TRHDE: variants seen among roughly 807,000 people sequenced by gnomAD.
The protein encoded by TRHDE is thyrotropin-releasing hormone-degrading ectoenzyme.
In TRHDE, 72 loss-of-function variants were observed where a neutral mutation model predicts 125.7. That is an observed-to-expected ratio of 0.57 (90% CI 0.47 to 0.70). TRHDE has a LOEUF of 0.70. Among genes scored for constraint, TRHDE ranks in the 30% least tolerant of loss-of-function variants. TRHDE has a pLI of 0.00. For missense variants in TRHDE, 1,110 were observed against 1,327.1 expected, an observed-to-expected ratio of 0.84 and a Z score of 2.54; for synonymous variants, 509 against 509.1, an observed-to-expected ratio of 1.00 and a Z score of 0.00.
intron 2 of TRHDE, among the ~76,000 whole-genome samples, chr12:72,305,849 T>C (rs984823872): frequency 1.3e-5 from 2 of 152,196 alleles, no homozygotes; most frequent in Non-Finnish European, 2.9e-5. Context: ...TTTTCAAACA[T>C]GGTTATATGA....
At chr12:72,662,944 T>C in intron 18 of TRHDE, 108 bp from the exon 19 acceptor site, 1 of 1,202,280 alleles carries the variant, frequency 8.3e-7, no homozygotes, top group South Asian at 1.6e-5. Context: ...GCATTTTGTT[T>C]CAAATATATT....
chr12:72,337,839 T>C (rs1191427833), intron 2 of TRHDE, among the ~76,000 whole-genome samples: 4 of 152,092 alleles, frequency 2.6e-5, no homozygotes, highest in African/African-American at 4.8e-5. Flanking sequence ...GTCAGCCCTC[T>C]GAAAACATTT....
chr12:72,457,235 C>A (rs932539722), intron 3 of TRHDE, among the ~76,000 whole-genome samples: 3 of 152,060 alleles, frequency 2.0e-5, no homozygotes, highest in Non-Finnish European at 4.4e-5. Context: ...TGATAAGGTT[C>A]TATTTTTAGT....
At chr12:72,596,668 C>T (rs1308968828) in intron 12 of TRHDE, among the ~76,000 whole-genome samples, 1 of 152,060 alleles carries the variant, frequency 6.6e-6, no homozygotes, top group Non-Finnish European at 1.5e-5. Context: ...TTAGGATGAC[C>T]TTTGATCTAG....
chr12:72,301,058 C>T (rs1277151213), intron 2 of TRHDE, among the ~76,000 whole-genome samples: 2 of 152,096 alleles, frequency 1.3e-5, no homozygotes, highest in Non-Finnish European at 2.9e-5. Context: ...TCCTTTCTTC[C>T]CCTGAAACTT....
At chr12:72,206,594 G>T (rs1255355239) in intron 2 of TRHDE, among the ~76,000 whole-genome samples, 1 of 152,102 alleles carries the variant, frequency 6.6e-6, no homozygotes, top group Non-Finnish European at 1.5e-5. Flanking sequence ...AGCATGTATA[G>T]AAAGTGCTGA....
chr12:72,532,307 CTT>C (rs1201321398), intron 6 of TRHDE, among the ~76,000 whole-genome samples: 2 of 151,494 alleles, frequency 1.3e-5, no homozygotes, highest in Non-Finnish European at 3.0e-5. Flanking sequence ...TAAATAATCT[CTT>C]TGCTATACTC....
At chr12:72,513,624 G>A (rs892679244) in intron 6 of TRHDE, among the ~76,000 whole-genome samples, 13 of 152,042 alleles carry the variant, frequency 8.6e-5, no homozygotes, top group African/African-American at 3.1e-4. Context: ...AGCTTTTTCT[G>A]AGTTAATTTT....
chr12:72,227,998 T>C (rs1042256825), intron 2 of TRHDE, among the ~76,000 whole-genome samples: 18 of 152,184 alleles, frequency 1.2e-4, no homozygotes, highest in African/African-American at 4.3e-4. Context: ...CCTGGCTGCT[T>C]TCATGGGCTG....
intron 2 of TRHDE, among the ~76,000 whole-genome samples, chr12:72,244,820 A>T (rs1172841327): frequency 1.3e-5 from 2 of 152,154 alleles, no homozygotes; most frequent in East Asian, 1.9e-4. Flanking sequence ...GCAAACGAAG[A>T]ACTTGTTGAT....
At chr12:72,235,092 T>C (rs1878315229) in intron 2 of TRHDE, among the ~76,000 whole-genome samples, 1 of 152,118 alleles carries the variant, frequency 6.6e-6, no homozygotes. Context: ...GTCTTCAACA[T>C]ATGGAACTCT....
chr12:72,363,446 G>C (rs974119429), intron 2 of TRHDE, among the ~76,000 whole-genome samples: 1 of 151,772 alleles, frequency 6.6e-6, no homozygotes, highest in Non-Finnish European at 1.5e-5. Context: ...TTCATCCCTG[G>C]GATGCAAGGC....
At chr12:72,095,520 G>T (rs1172375063) in intron 1 of TRHDE, among the ~76,000 whole-genome samples, 2 of 152,186 alleles carry the variant, frequency 1.3e-5, no homozygotes, top group Non-Finnish European at 2.9e-5. Context: ...CTGAAATCCA[G>T]CTTGATGACA....
chr12:72,446,933 G>C (rs1017949018), intron 3 of TRHDE, among the ~76,000 whole-genome samples: 2 of 151,792 alleles, frequency 1.3e-5, no homozygotes, highest in African/African-American at 4.8e-5. Flanking sequence ...TTTAACACCC[G>C]ACTGTCAACA....
rs978896614 is a variant in TRHDE at position 72,670,608 on chromosome 12, A to G, written c.*7413A>G. 3.3e-5 allele frequency: 5 copies of G among 151,818 alleles called. No homozygotes were observed. Among genetic ancestry groups the G allele is most frequent in the Admixed American group, 1.3e-4 (2 of 15,192 alleles). The allele number at this position is 151,818 out of a possible 1,614,324, so 9.4% of individuals were successfully genotyped here. A position where few individuals can be genotyped will look rare whatever the true frequency, so the allele number is the denominator to read the frequency against. On this transcript the variant is annotated 3_prime_UTR_variant, in exon 19 of 19. Transcript: ENST00000261180. The stretch of plus-strand genomic sequence containing the variant: ...ATTATAGAGGTCCATGCAAATGGAA[A>G]AAAATTATTCTCTTCTGACATGGAC...
rs1006280340 is a variant in TRHDE, at chr12:72,397,957, A to G, written c.1315+19836A>G. Reference sequence around the variant, plus strand: ...ACTAACTCGTCATCTAGCATTAGGTATATCTCCCAATGCTATCCCTCCCCC... The same window carrying G: ...ACTAACTCGTCATCTAGCATTAGGTGTATCTCCCAATGCTATCCCTCCCCC... On this transcript the variant is annotated intron_variant, in intron 3 of 18. Transcript: ENST00000261180. Among the ~76,000 whole-genome samples the G allele has an allele frequency of 3.1e-3, 459 of 150,424 alleles. 1 individual carries two copies. The highest frequency in any genetic ancestry group is 0.01 in the African/African-American group (424 of 40,848).
chr12:72,288,054 T>A (rs1310340201), intron 2 of TRHDE, among the ~76,000 whole-genome samples: 1 of 152,072 alleles, frequency 6.6e-6, no homozygotes, highest in African/African-American at 2.4e-5. Context: ...TAAATCAAAT[T>A]TGGTTGGTTT....
intron 7 of TRHDE, among the ~76,000 whole-genome samples, chr12:72,557,378 A>T (rs1184501620): frequency 3.9e-5 from 6 of 152,158 alleles, no homozygotes; most frequent in Non-Finnish European, 8.8e-5. Flanking sequence ...GCTCTGTCCT[A>T]CCTACTTATG....
chr12:72,123,696 C>T (rs1423396788), intron 2 of TRHDE, among the ~76,000 whole-genome samples: 1 of 152,002 alleles, frequency 6.6e-6, no homozygotes, highest in Non-Finnish European at 1.5e-5. Flanking sequence ...ATAAACTTCT[C>T]AAATATATCC....
Sources: allele counts gnomAD v4.1 joint callset (sites outside exome capture counted in the v4.1 genomes callset), GRCh38; gene constraint gnomAD v4.1.1; transcripts MANE v1.5; gene names NCBI Gene and HGNC (gene_info 2026-07-23, HGNC 2026-07-21).